The following PPARD variants were observed in gnomAD, a reference collection of about 807,000 sequenced individuals.
The protein encoded by PPARD is peroxisome proliferator activated receptor delta.
PPARD carries 6 observed loss-of-function variants against 39.5 expected under a neutral mutation model. That is an observed-to-expected ratio of 0.15 (90% CI 0.08 to 0.30). The LOEUF is 0.30. PPARD is among the 10% of genes least tolerant of loss of function. The pLI, the probability that PPARD is intolerant of heterozygous loss-of-function variation, is 1.00. For missense variants in PPARD, 397 were observed against 596.8 expected, an observed-to-expected ratio of 0.67 and a Z score of 3.49; for synonymous variants, 210 against 231.3, an observed-to-expected ratio of 0.91 and a Z score of 0.83.
At chr6:35,361,500 AAAT>A (rs1487978010) in intron 2 of PPARD, among the ~76,000 whole-genome samples, 36 of 152,172 alleles carry the variant, frequency 2.4e-4, no homozygotes, top group African/African-American at 6.3e-4. Context: ...TAAAAAAATA[AAAT>A]AATAATAAAA....
Position 35,412,892 on chromosome 6 carries a change from A to G in PPARD, c.130+1675A>G, listed in dbSNP as rs190588399. Among the ~76,000 whole-genome samples, 7 of 152,338 alleles carry G rather than the reference A, an allele frequency of 4.6e-5. No individual in the cohort carries two copies. The East Asian group carries it at 1.4e-3, about 29-fold the overall frequency. On this transcript the variant is annotated intron_variant, in intron 3 of 7. Transcript: ENST00000360694. This position sits in a 1 kb window ranked among gnomAD's most constrained non-coding sequence, Gnocchi z 4.1. Reference sequence around the variant, plus strand: ...TGATAATTCACTCAGTGCCAGTAGCACATACTGTTCTAAATCTGAAGAAGG... The same window carrying G: ...TGATAATTCACTCAGTGCCAGTAGCGCATACTGTTCTAAATCTGAAGAAGG...
At chr6:35,379,088 TTTTC>T (rs1305326453) in intron 2 of PPARD, among the ~76,000 whole-genome samples, 1 of 151,174 alleles carries the variant, frequency 6.6e-6, no homozygotes, top group African/African-American at 2.4e-5. Context: ...AGTAGGCGTC[TTTTC>T]TTTCTTTTTT....
At chr6:35,396,105 C>T (rs965854877) in intron 2 of PPARD, among the ~76,000 whole-genome samples, 3 of 152,138 alleles carry the variant, frequency 2.0e-5, no homozygotes, top group Non-Finnish European at 4.4e-5. Context: ...TCTCCATCTT[C>T]CTCTCCTGGG....
At chr6:35,380,339 A>G (rs79108900) in intron 2 of PPARD, among the ~76,000 whole-genome samples, 1,532 of 152,304 alleles carry the variant, frequency 0.01, 7 homozygotes, top group Middle Eastern at 0.017. Flanking sequence ...ACAGTGAGAT[A>G]GAAGAAGACA....
chr6:35,390,471 C>T (rs1204312434), intron 2 of PPARD, among the ~76,000 whole-genome samples: 2 of 152,110 alleles, frequency 1.3e-5, no homozygotes, highest in East Asian at 1.9e-4. Flanking sequence ...CGAAGGCTGG[C>T]CATCAAGATG....
At chr6:35,344,950 G>A (rs1300164664) in intron 1 of PPARD, among the ~76,000 whole-genome samples, 4 of 152,138 alleles carry the variant, frequency 2.6e-5, no homozygotes, top group African/African-American at 7.2e-5. Flanking sequence ...ATCTCTCCAG[G>A]GTTTTAGTGG....
rs1440073161 is a variant in PPARD at position 35,377,939 on chromosome 6, C to T, written c.-102+30789C>T. On this transcript the variant is annotated intron_variant, in intron 2 of 7. Transcript: ENST00000360694. Reference sequence around the variant, plus strand: ...AGTGCAGTGGTGCGATCTTGGCTCACGGCAACCTCTGCCTTCTGGGTTCAG... The same window carrying T: ...AGTGCAGTGGTGCGATCTTGGCTCATGGCAACCTCTGCCTTCTGGGTTCAG... 8.8e-5 allele frequency among the ~76,000 whole-genome samples: 13 copies of T among 148,460 alleles called. No individual in the cohort carries two copies. The East Asian group carries it at 2.6e-3, about 30-fold the overall frequency.
chr6:35,385,732 T>C (rs1018590860), intron 2 of PPARD, among the ~76,000 whole-genome samples: 2 of 151,468 alleles, frequency 1.3e-5, no homozygotes, highest in African/African-American at 4.9e-5. Context: ...TTGACTGTGT[T>C]TTGAACGCAT....
At chr6:35,414,026 C>G (rs2150795481) in intron 3 of PPARD, among the ~76,000 whole-genome samples, 1 of 152,210 alleles carries the variant, frequency 6.6e-6, no homozygotes. Flanking sequence ...GGAACGTGTC[C>G]TGTGTAAGTA....
In PPARD at chr6:35,426,252, C is replaced by A; in HGVS notation, c.*173C>A. On this transcript the variant is annotated 3_prime_UTR_variant, in exon 8 of 8. Transcript: ENST00000360694. Reference sequence around the variant, plus strand: ...CTCTGGCTCCCTGTGCCCTCTCTCCCGCTTCCTCCAGCCAGCTCTCTTCCT... The same window carrying A: ...CTCTGGCTCCCTGTGCCCTCTCTCCAGCTTCCTCCAGCCAGCTCTCTTCCT... 1 of 793,816 alleles carries A rather than the reference C, an allele frequency of 1.3e-6. No homozygotes were observed. The highest frequency in any genetic ancestry group is 1.8e-5 in the South Asian group (1 of 54,194). 49.2% of individuals were successfully genotyped at this position (793,816 alleles called of 1,614,324 possible).
At chr6:35,392,958 G>A (rs1374006307) in intron 2 of PPARD, among the ~76,000 whole-genome samples, 1 of 152,214 alleles carries the variant, frequency 6.6e-6, no homozygotes, top group Non-Finnish European at 1.5e-5. Context: ...AGGAAATGGT[G>A]CTCCTTGTCA....
chr6:35,408,842 ACCCAG>A (rs1023959799), intron 2 of PPARD, among the ~76,000 whole-genome samples: 2 of 152,218 alleles, frequency 1.3e-5, no homozygotes, highest in African/African-American at 4.8e-5. Context: ...CATATCCTTT[ACCCAG>A]CTCACATTAA....
chr6:35,394,629 G>T (rs901170579), intron 2 of PPARD, among the ~76,000 whole-genome samples: 1 of 151,666 alleles, frequency 6.6e-6, no homozygotes, highest in Non-Finnish European at 1.5e-5. Context: ...AAATTATCTG[G>T]GTGTGGTGGT....
chr6:35,417,599 A>G (rs1298697582), intron 3 of PPARD, among the ~76,000 whole-genome samples: 1 of 151,594 alleles, frequency 6.6e-6, no homozygotes, highest in Non-Finnish European at 1.5e-5. Context: ...ATCTCAGCTC[A>G]CTGCAGCCTC....
At position 35,348,356 on chromosome 6, in the gene PPARD, T is replaced by C. The variant is rs993568693; in HGVS notation, c.-102+1206T>C. On this transcript the variant is annotated intron_variant, in intron 2 of 7. Transcript: ENST00000360694. ...AACACACAGAATTGTTTCTTCCATC[T>C]CTGCAGGGGTAGGAGGTTCTCACCA... 4 of 985,274 alleles carry C rather than the reference T, an allele frequency of 4.1e-6. No individual in the cohort carries two copies. In the African/African-American group the frequency reaches 7.0e-5, roughly 17 times the overall value. The allele number at this position is 985,274 out of a possible 1,614,324, so 61.0% of individuals were successfully genotyped here. A position where few individuals can be genotyped will look rare whatever the true frequency, so the allele number is the denominator to read the frequency against.
intron 3 of PPARD, among the ~76,000 whole-genome samples, chr6:35,416,124 G>A (rs1431718388): frequency 3.3e-5 from 5 of 152,092 alleles, no homozygotes; most frequent in Admixed American, 2.6e-4. Flanking sequence ...GCTCATGCCT[G>A]TAATCCCAGC....
rs199680392 is a variant in PPARD at position 35,416,410 on chromosome 6, A to C, written c.131-3717A>C. On this transcript the variant is annotated intron_variant, in intron 3 of 7. Transcript: ENST00000360694. ...AAAAAAAAAAAAAAAAAAAAAAAAA[A>C]CACCTTCTTAGCACATTGTTTGGTC... is the stretch of plus-strand genomic sequence containing the variant. 1.1e-4 allele frequency among the ~76,000 whole-genome samples: 12 copies of C among 108,194 alleles called. No homozygotes were observed. In the East Asian group the frequency reaches 3.2e-3, roughly 29 times the overall value. 71.0% of individuals were successfully genotyped at this position (108,194 alleles called of 152,430 possible).
chr6:35,343,367 CCT>C (rs1269491872), intron 1 of PPARD, among the ~76,000 whole-genome samples: 3 of 152,118 alleles, frequency 2.0e-5, no homozygotes, highest in Non-Finnish European at 4.4e-5. Flanking sequence ...CCTGAGAGGC[CCT>C]GTTTTTGCTC....
intron 2 of PPARD, among the ~76,000 whole-genome samples, chr6:35,408,396 TG>T (rs1765196605): frequency 6.6e-6 from 1 of 152,056 alleles, no homozygotes; most frequent in African/African-American, 2.4e-5. Context: ...AGAATGGAGC[TG>T]GGGAGAAGTA....
Sources: allele counts gnomAD v4.1 joint callset (sites outside exome capture counted in the v4.1 genomes callset), GRCh38; gene constraint gnomAD v4.1.1; non-coding constraint Gnocchi (gnomAD v3.1); transcripts MANE v1.5; gene names NCBI Gene and HGNC (gene_info 2026-07-23, HGNC 2026-07-21).